The following STAU2 variants were observed in gnomAD, a reference collection of about 807,000 sequenced individuals.
STAU2 encodes the protein double-stranded RNA-binding protein Staufen homolog 2.
A neutral mutation model predicts 65.9 loss-of-function variants in STAU2; 20 were observed. The observed-to-expected ratio is 0.30, with a 90% CI of 0.21 to 0.44. STAU2 has a LOEUF of 0.44. Among genes scored for constraint, STAU2 ranks in the 20% least tolerant of loss-of-function variants. The pLI is 1.00. For synonymous variants in STAU2, 232 were observed against 233.9 expected (o/e 0.99, Z 0.07); for missense variants, 558 against 683.9 (o/e 0.82, Z 2.05).
At chr8:73,669,840 A>T (rs964305454) in intron 6 of STAU2, among the ~76,000 whole-genome samples, 6 of 152,194 alleles carry the variant, frequency 3.9e-5, no homozygotes, top group African/African-American at 1.4e-4. Flanking sequence ...CAGACTTTTT[A>T]AAAGTAATAA....
At chr8:73,546,986 T>G (rs1267143415) in intron 13 of STAU2, among the ~76,000 whole-genome samples, 1 of 152,246 alleles carries the variant, frequency 6.6e-6, no homozygotes, top group East Asian at 1.9e-4. Flanking sequence ...AGAATTTTCA[T>G]GTTGAGTTGA....
chr8:73,699,335 A>C (rs1293663333), intron 4 of STAU2, among the ~76,000 whole-genome samples: 1 of 152,108 alleles, frequency 6.6e-6, no homozygotes, highest in Non-Finnish European at 1.5e-5. Flanking sequence ...CAGAGCAGAA[A>C]TAAATGAATT....
chr8:73,744,046 A>T (rs890882443), intron 1 of STAU2, among the ~76,000 whole-genome samples: 1 of 152,182 alleles, frequency 6.6e-6, no homozygotes, highest in African/African-American at 2.4e-5. Context: ...CTGGGATTAC[A>T]GGCATGAGCC....
intron 13 of STAU2, among the ~76,000 whole-genome samples, chr8:73,434,812 A>G (rs1037242335): frequency 1.3e-5 from 2 of 151,852 alleles, no homozygotes; most frequent in African/African-American, 4.9e-5. Context: ...TCATTCCTTC[A>G]GCCCATTGCT....
At chr8:73,482,751 T>G (rs967528335) in intron 13 of STAU2, among the ~76,000 whole-genome samples, 1 of 152,128 alleles carries the variant, frequency 6.6e-6, no homozygotes, top group East Asian at 1.9e-4. Context: ...TAGCAATAAC[T>G]GGGGGTTATA....
chr8:73,605,710 A>G (rs1354699143), intron 9 of STAU2, among the ~76,000 whole-genome samples: 4 of 149,034 alleles, frequency 2.7e-5, no homozygotes, highest in African/African-American at 9.9e-5. Flanking sequence ...AAAAAGACTC[A>G]GACTACCTAA....
rs753103941 is a variant in STAU2, at chr8:73,673,248, T to TA, written c.275-7dup. ...CACAGTTGGAGTTATACTGCCTGTT[T>TA]AAAAAAAAAACATTAAAGGCACACA... On this transcript the variant is annotated splice_polypyrimidine_tract_variant and splice_region_variant and intron_variant, in intron 5 of 14. Coordinates refer to ENST00000524300, the MANE Select transcript of STAU2 (RefSeq NM_001164380.2). 4.2e-3 allele frequency: 5,851 copies of TA among 1,394,196 alleles called. No individual in the cohort carries two copies. The highest frequency in any genetic ancestry group is 0.014 in the South Asian group (950 of 69,248). The allele number at this position is 1,394,196 out of a possible 1,614,324, so 86.4% of individuals were successfully genotyped here. A position where few individuals can be genotyped will look rare whatever the true frequency, so the allele number is the denominator to read the frequency against.
intron 13 of STAU2, among the ~76,000 whole-genome samples, chr8:73,521,644 A>G: frequency 6.6e-6 from 1 of 152,226 alleles, no homozygotes. Flanking sequence ...TTCCTGGGCT[A>G]GTAATATGCA....
intron 13 of STAU2, chr8:73,551,527 G>A (rs1807331827): frequency 1.0e-6 from 1 of 987,170 alleles, no homozygotes; most frequent in Middle Eastern, 2.8e-4. Flanking sequence ...CTAGAATGTT[G>A]TATCTTAATG....
At chr8:73,424,808 T>G (rs1342874949) in intron 13 of STAU2, among the ~76,000 whole-genome samples, 3 of 151,954 alleles carry the variant, frequency 2.0e-5, no homozygotes, top group Non-Finnish European at 2.9e-5. Context: ...TTTAGATTAC[T>G]CCTTCCTTTC....
chr8:73,591,831 A>G (rs956229748), intron 11 of STAU2, among the ~76,000 whole-genome samples: 1 of 146,782 alleles, frequency 6.8e-6, no homozygotes, highest in African/African-American at 2.5e-5. Context: ...AAATCAGAAC[A>G]TATTTTGAGT....
At chr8:73,688,982 AAG>A (rs1415483687) in intron 4 of STAU2, among the ~76,000 whole-genome samples, 169 bp from the exon 5 acceptor site, 6 of 152,250 alleles carry the variant, frequency 3.9e-5, no homozygotes, top group Middle Eastern at 3.2e-3. Flanking sequence ...AAGAAATTTT[AAG>A]AGAGTACCAA....
intron 6 of STAU2, among the ~76,000 whole-genome samples, chr8:73,621,141 T>C (rs904067001): frequency 6.6e-6 from 1 of 152,208 alleles, no homozygotes; most frequent in Non-Finnish European, 1.5e-5. Flanking sequence ...AATCTCATCT[T>C]GAATTGTAAT....
At chr8:73,671,334 C>A (rs1817654263) in intron 6 of STAU2, among the ~76,000 whole-genome samples, 1 of 151,368 alleles carries the variant, frequency 6.6e-6, no homozygotes, top group Non-Finnish European at 1.5e-5. Context: ...GAGCTGAGAC[C>A]ACACCATGGC....
intron 13 of STAU2, among the ~76,000 whole-genome samples, chr8:73,535,379 C>A (rs558050092): frequency 7.9e-5 from 12 of 152,230 alleles, no homozygotes; most frequent in African/African-American, 2.9e-4. Context: ...CCGTGATAGC[C>A]AGGATGGTCT....
At chr8:73,519,239 A>G (rs1822908370) in intron 13 of STAU2, among the ~76,000 whole-genome samples, 1 of 152,162 alleles carries the variant, frequency 6.6e-6, no homozygotes, top group African/African-American at 2.4e-5. Flanking sequence ...AGTGACCCCT[A>G]GGATGAAGAC....
intron 13 of STAU2, chr8:73,551,334 C>T: frequency 5.1e-6 from 5 of 987,318 alleles, no homozygotes; most frequent in Non-Finnish European, 6.0e-6. Context: ...AAACTATAAG[C>T]TAGTTTTAGA....
intron 3 of STAU2, among the ~76,000 whole-genome samples, chr8:73,738,050 AACAG>A (rs1289130111): frequency 6.6e-6 from 1 of 152,214 alleles, no homozygotes; most frequent in Admixed American, 6.5e-5. Flanking sequence ...CATCAAGAAG[AACAG>A]ACAAACCTTC....
intron 13 of STAU2, among the ~76,000 whole-genome samples, chr8:73,461,182 A>T (rs1489190786): frequency 2.0e-5 from 3 of 152,162 alleles, no homozygotes; most frequent in African/African-American, 7.2e-5. Context: ...ACTATCCTCA[A>T]ATGAGACAAT....
Sources: allele counts gnomAD v4.1 joint callset (sites outside exome capture counted in the v4.1 genomes callset), GRCh38; gene constraint gnomAD v4.1.1; transcripts MANE v1.5; gene names NCBI Gene and HGNC (gene_info 2026-07-23, HGNC 2026-07-21).